Variants in USP16 observed in about 807,000 individuals in gnomAD.
The protein encoded by USP16 is ubiquitin specific peptidase 16.
USP16 carries 77 observed loss-of-function variants against 95.9 expected under a neutral mutation model. The ratio of observed to expected loss-of-function variants is 0.80; its 90% CI spans 0.67 to 0.97. The LOEUF is 0.97. Among genes scored for constraint, USP16 ranks in the 50% least tolerant of loss-of-function variants. The pLI, the probability that USP16 is intolerant of heterozygous loss-of-function variation, is 0.00. For synonymous variants in USP16, 303 were observed against 318.2 expected (o/e 0.95, Z 0.51); for missense variants, 943 against 959.9 (o/e 0.98, Z 0.23).
chr21:29,050,449 T>G (rs2085397058), intron 16 of USP16, among the ~76,000 whole-genome samples: 1 of 151,762 alleles, frequency 6.6e-6, no homozygotes, highest in South Asian at 2.1e-4. Flanking sequence ...GATCTATTAA[T>G]GAATAATCTG....
At chr21:29,033,307 A>G (rs2832152) in intron 3 of USP16, among the ~76,000 whole-genome samples, 8,686 of 152,334 alleles carry the variant, frequency 0.057, 574 homozygotes, top group East Asian at 0.16. Flanking sequence ...ATTTTCAAAA[A>G]TAGTATCAAA....
rs1330709476 is a variant in USP16 at position 29,042,090 on chromosome 21, G to T, written c.1108G>T (p.Asp370Tyr). 3.7e-6 allele frequency: 6 copies of T among 1,612,852 alleles called. No homozygotes were observed. Among genetic ancestry groups the T allele is most frequent in the Non-Finnish European group, 5.1e-6 (6 of 1,179,382 alleles). The change falls in exon 11 of 18, where the codon GAT becomes TAT. Residue 370 changes from aspartate to tyrosine, a missense_variant. Physicochemically the swap from Asp to Tyr is radical, Grantham distance 160. Coordinates refer to ENST00000399976, the MANE Select transcript of USP16 (RefSeq NM_006447.3). ...TGAACTAACTAGTATGATCATGTGT[G>T]ATCAATGCAGAACTGTAAGTAGATG... is the stretch of plus-strand genomic sequence containing the variant. ...GGELTSMIMCDQCRTVSLVHE... is the reference protein window; with the variant it reads ...GGELTSMIMCYQCRTVSLVHE...
chr21:29,040,626 A>C lies in USP16; in HGVS notation c.969A>C (p.Ile323=), dbSNP rs201875942. The C allele has an allele frequency of 3.9e-6, 6 of 1,524,354 alleles. No homozygotes were observed. The highest frequency in any genetic ancestry group is 5.4e-6 in the Non-Finnish European group (6 of 1,109,322). 94.4% of individuals were successfully genotyped at this position (1,524,354 alleles called of 1,614,324 possible). The change falls in exon 10 of 18, where the codon ATA becomes ATC. Residue 323 remains isoleucine, a synonymous_variant. Coordinates refer to ENST00000399976, the MANE Select transcript of USP16 (RefSeq NM_006447.3). ...ACTTTTAGAGAGTGAGTAAAGGAAT[A>C]CTTAAAGCATTTGGTAATTCTACTG... The part of the protein sequence containing the change: ...AEEHQRVSKG[I]LKAFGNSTEK...
chr21:29,041,339 G>C (rs1275695866), intron 10 of USP16, among the ~76,000 whole-genome samples: 1 of 152,154 alleles, frequency 6.6e-6, no homozygotes, highest in African/African-American at 2.4e-5. Context: ...TGTCAGAAAA[G>C]TGTGGTTCTG....
intron 14 of USP16, among the ~76,000 whole-genome samples, chr21:29,048,134 A>G (rs190989777): frequency 6.7e-6 from 1 of 149,188 alleles, no homozygotes; most frequent in East Asian, 2.0e-4. Flanking sequence ...CCCAGGCTAA[A>G]GTGCAGTGGC....
At chr21:29,028,882 TTA>T (rs1032205586) in intron 2 of USP16, among the ~76,000 whole-genome samples, 11 of 152,208 alleles carry the variant, frequency 7.2e-5, no homozygotes, top group African/African-American at 2.7e-4. Flanking sequence ...GTAAACAACT[TTA>T]TAGCTAAATC....
Position 29,030,888 on chromosome 21 carries a change from G to C in USP16, c.240+115G>C, listed in dbSNP as rs907950561. The C allele has an allele frequency of 2.5e-6, 3 of 1,213,528 alleles. No homozygotes were observed. The African/African-American group carries it at 4.6e-5, about 19-fold the overall frequency. 75.2% of individuals were successfully genotyped at this position (1,213,528 alleles called of 1,614,324 possible). A position where few individuals can be genotyped will look rare whatever the true frequency, so the allele number is the denominator to read the frequency against. On this transcript the variant is annotated intron_variant, in intron 3 of 17. Transcript: ENST00000399976. The stretch of plus-strand genomic sequence containing the variant: ...AAAGGATACTAGTAACATAGATCAT[G>C]TTCTCTGGAGAACCAGTTCTGAGAT...
At chr21:29,048,167 C>T (rs1191213352) in intron 14 of USP16, among the ~76,000 whole-genome samples, 2 of 151,338 alleles carry the variant, frequency 1.3e-5, no homozygotes, top group Non-Finnish European at 2.9e-5. Flanking sequence ...ACTGCAATCT[C>T]CACCTCCCGG....
At chr21:29,041,866 A>G in intron 10 of USP16, 147 bp from the exon 11 acceptor site, 1 of 637,934 alleles carries the variant, frequency 1.6e-6, no homozygotes, top group East Asian at 2.8e-5. Flanking sequence ...TGCTTAAAAA[A>G]GGTGATTATG....
rs75813013 is a variant in USP16 at position 29,054,247 on chromosome 21, C to A, written c.*60C>A. On this transcript the variant is annotated 3_prime_UTR_variant, in exon 18 of 18. Coordinates refer to ENST00000399976, the MANE Select transcript of USP16 (RefSeq NM_006447.3). The stretch of plus-strand genomic sequence containing the variant: ...ATGGCTTTTATAATGGCTGAAATAA[C>A]GATAAAAAAAGACTAATTAAAATCA... 3 of 1,535,808 alleles carry A rather than the reference C, an allele frequency of 2.0e-6. No homozygotes were observed. The highest frequency in any genetic ancestry group is 2.3e-5 in the East Asian group (1 of 43,900).
intron 7 of USP16, 42 bp from the exon 8 acceptor site, chr21:29,038,984 C>G (rs754412387): frequency 6.9e-7 from 1 of 1,448,664 alleles, no homozygotes; most frequent in Non-Finnish European, 9.1e-7. Context: ...TCAGTGATTC[C>G]AGAATTTGAC....
chr21:29,037,257 ATCTTT>A lies in USP16; in HGVS notation c.449-12_449-8del. ...ATGACTGTATTACACATTTTGCTAA[ATCTTT>A]TCTTTTTTTAAAGCAGAGAAAGATA... is the stretch of plus-strand genomic sequence containing the variant. On this transcript the variant is annotated splice_polypyrimidine_tract_variant and intron_variant, in intron 5 of 17. Coordinates refer to ENST00000399976, the MANE Select transcript of USP16 (RefSeq NM_006447.3). The A allele has an allele frequency of 6.8e-7, 1 of 1,468,834 alleles. No homozygotes were observed. Among genetic ancestry groups the A allele is most frequent in the South Asian group, 1.3e-5 (1 of 77,076 alleles). 91.0% of individuals were successfully genotyped at this position (1,468,834 alleles called of 1,614,324 possible).
rs201875942 is a variant in USP16, at chr21:29,040,626, A to T, written c.969A>T (p.Ile323=). 6.6e-7 allele frequency: 1 copy of T among 1,524,470 alleles called. No individual in the cohort carries two copies. The highest frequency in any genetic ancestry group is 1.4e-5 in the African/African-American group (1 of 72,620). 94.4% of individuals were successfully genotyped at this position (1,524,470 alleles called of 1,614,324 possible). ...AEEHQRVSKG[I]LKAFGNSTEK... is the part of the protein sequence containing the mutation. ...ACTTTTAGAGAGTGAGTAAAGGAAT[A>T]CTTAAAGCATTTGGTAATTCTACTG... The change falls in exon 10 of 18, where the codon ATA becomes ATT. Residue 323 remains isoleucine (I), a synonymous_variant. Coordinates refer to ENST00000399976, the MANE Select transcript of USP16 (RefSeq NM_006447.3).
intron 1 of USP16, among the ~76,000 whole-genome samples, chr21:29,027,551 G>A (rs2085010675): frequency 1.3e-5 from 2 of 152,312 alleles, no homozygotes; most frequent in South Asian, 4.1e-4. Context: ...ATGTAGTGAG[G>A]AGTCACCTTC....
At chr21:29,040,168 C>T (rs1416040910) in intron 9 of USP16, among the ~76,000 whole-genome samples, 1 of 152,066 alleles carries the variant, frequency 6.6e-6, no homozygotes, top group African/African-American at 2.4e-5. Flanking sequence ...GAGGTGGATA[C>T]TGTGATTTTT....
chr21:29,026,698 C>T (rs572918758), intron 1 of USP16: 1 of 151,966 alleles, frequency 6.6e-6, no homozygotes, highest in Non-Finnish European at 1.5e-5. Flanking sequence ...TGCCTTTTAG[C>T]TCATCGTTTG....
At chr21:29,029,029 A>G (rs1231916069) in intron 2 of USP16, among the ~76,000 whole-genome samples, 2 of 152,240 alleles carry the variant, frequency 1.3e-5, no homozygotes, top group Non-Finnish European at 2.9e-5. Flanking sequence ...CAGGCCCCCT[A>G]TTAGCGTAGT....
At position 29,043,522 on chromosome 21, in the gene USP16, G is replaced by C. The variant is rs759887857; in HGVS notation, c.1279G>C (p.Glu427Gln). Residue 427 changes from glutamate (E) to glutamine (Q), a missense_variant, in exon 13 of 18, where the codon GAG becomes CAG. Glu to Gln is a conservative substitution (Grantham distance 29). Transcript: ENST00000399976. ...EEKDNDSYIK[E>Q]RSDIPSGTSK... is the part of the protein sequence containing the mutation. Reference sequence around the variant, plus strand: ...AAAAGATAACGACAGTTACATAAAAGAGAGAAGTGATATTCCTTCTGGAAC... The same window carrying C: ...AAAAGATAACGACAGTTACATAAAACAGAGAAGTGATATTCCTTCTGGAAC... The C allele has an allele frequency of 6.2e-7, 1 of 1,601,080 alleles. No individual in the cohort carries two copies. Among genetic ancestry groups the C allele is most frequent in the South Asian group, 1.1e-5 (1 of 87,964 alleles).
intron 6 of USP16, 95 bp downstream of exon 6, chr21:29,037,558 T>C (rs62222372): frequency 0.039 from 41,067 of 1,054,428 alleles, 1,217 homozygotes; most frequent in Middle Eastern, 0.082. Flanking sequence ...GAGTAATTTA[T>C]TTCTATGTAT....
Sources: allele counts gnomAD v4.1 joint callset (sites outside exome capture counted in the v4.1 genomes callset), GRCh38; gene constraint gnomAD v4.1.1; transcripts MANE v1.5; gene names NCBI Gene and HGNC (gene_info 2026-07-23, HGNC 2026-07-21).